FGF13: variants seen among roughly 807,000 people sequenced by gnomAD.
FGF13 encodes the protein fibroblast growth factor 13, also known as fibroblast growth factor homologous factor 2.
Under a neutral mutation model 19.5 loss-of-function variants are expected in FGF13, and 2 were observed. The observed-to-expected ratio is 0.10, with a 90% CI of 0.04 to 0.32. The LOEUF is 0.32. FGF13 is among the 10% of genes least tolerant of loss of function. FGF13 has a pLI of 1.00. For missense variants in FGF13, 113 were observed against 192.7 expected, an observed-to-expected ratio of 0.59 and a Z score of 2.45; for synonymous variants, 72 against 76.9, an observed-to-expected ratio of 0.94 and a Z score of 0.33.
intron 3 of FGF13, among the ~76,000 whole-genome samples, chrX:138,787,984 T>A (rs991411816): frequency 8.9e-6 from 1 of 111,843 alleles, no homozygotes; most frequent in Non-Finnish European, 1.9e-5. Context: ...AAAATTCTTG[T>A]CCTTTCTAAT....
chrX:138,961,539 C>T (rs1230625428), intron 1 of FGF13, among the ~76,000 whole-genome samples: 1 of 111,301 alleles, frequency 9.0e-6, no homozygotes, highest in Non-Finnish European at 1.9e-5. Context: ...CAGACAGGGA[C>T]GTTAAAGTCT....
chrX:139,133,728 G>A (rs1212145957), intron 1 of FGF13, among the ~76,000 whole-genome samples: 1 of 110,838 alleles, frequency 9.0e-6, no homozygotes, highest in Non-Finnish European at 1.9e-5. Flanking sequence ...ACACACATGT[G>A]GACAACATAT....
chrX:139,033,027 C>CAAAA lies in FGF13; in HGVS notation c.-112-168381_-112-168378dup, dbSNP rs758766077. 8.1e-3 allele frequency among the ~76,000 whole-genome samples: 220 copies of CAAAA among 27,271 alleles called. 39 individuals carry two copies. The highest frequency in any genetic ancestry group is 0.055 in the East Asian group (35 of 631). The allele number at this position is 27,271 out of a possible 115,157, so 23.7% of individuals were successfully genotyped here. A position where few individuals can be genotyped will look rare whatever the true frequency, so the allele number is the denominator to read the frequency against. On this transcript the variant is annotated intron_variant, in intron 1 of 2. Transcript: ENST00000421460. ...ACCAAAGTCAGAATATCTGATTATC[C>CAAAA]AAAAAAAAAAAAAAAAAAAAAAAAA...
intron 3 of FGF13, among the ~76,000 whole-genome samples, chrX:138,779,752 C>A (rs1318212800): frequency 9.3e-6 from 1 of 107,352 alleles, no homozygotes; most frequent in African/African-American, 3.4e-5. Context: ...AGGATATTAT[C>A]CAGGAGAACT....
intron 4 of FGF13, among the ~76,000 whole-genome samples, chrX:138,634,958 C>T (rs976282154): frequency 1.8e-5 from 2 of 111,981 alleles, no homozygotes; most frequent in South Asian, 3.7e-4. Context: ...TTTATAGCAG[C>T]GCAATTCACA....
intron 1 of FGF13, among the ~76,000 whole-genome samples, chrX:139,083,732 G>A (rs1276577793): frequency 2.7e-5 from 3 of 111,095 alleles, no homozygotes; most frequent in Non-Finnish European, 5.7e-5. Context: ...TTAGCTGGGC[G>A]TGGTGGCATG....
intron 1 of FGF13, among the ~76,000 whole-genome samples, chrX:138,949,976 C>T (rs1175110911): frequency 9.0e-6 from 1 of 111,717 alleles, no homozygotes; most frequent in African/African-American, 3.3e-5. Context: ...GCAGTGGTAG[C>T]ATTAGCAGAA....
At chrX:139,021,114 A>G (rs1328476428) in intron 1 of FGF13, among the ~76,000 whole-genome samples, 1 of 111,226 alleles carries the variant, frequency 9.0e-6, no homozygotes, top group East Asian at 2.8e-4. Context: ...TTCTCCACTA[A>G]GGCCAGCAAC....
At chrX:138,865,450 C>CCTCTCTCTCTCT (rs370662542) in intron 1 of FGF13, among the ~76,000 whole-genome samples, 1 of 89,252 alleles carries the variant, frequency 1.1e-5, no homozygotes, top group Non-Finnish European at 2.1e-5. Context: ...CTCTCTCTCT[C>CCTCTCTCTCTCT]CTCTCTCTCT....
At chrX:138,963,617 C>A (rs1246582466) in intron 1 of FGF13, among the ~76,000 whole-genome samples, 1 of 112,233 alleles carries the variant, frequency 8.9e-6, no homozygotes, top group Non-Finnish European at 1.9e-5. Flanking sequence ...CAAACACAAT[C>A]TTTTTCGGTT....
intron 1 of FGF13, among the ~76,000 whole-genome samples, chrX:139,168,226 A>C (rs1255192835): frequency 8.9e-6 from 1 of 112,083 alleles, no homozygotes; most frequent in Non-Finnish European, 1.9e-5. Context: ...ATCAAGGTTT[A>C]ATAAGGTGCA....
chrX:139,063,563 C>A (rs777188383), intron 1 of FGF13, among the ~76,000 whole-genome samples: 1 of 111,106 alleles, frequency 9.0e-6, no homozygotes, highest in Admixed American at 9.6e-5. Flanking sequence ...GGATCTATTT[C>A]CAGTTTGTCA....
chrX:139,194,323 T>G (rs1485526414), intron 1 of FGF13, among the ~76,000 whole-genome samples: 2 of 112,225 alleles, frequency 1.8e-5, no homozygotes, highest in Non-Finnish European at 3.8e-5. Flanking sequence ...AACTTGGTAG[T>G]GGAACCTTGG....
chrX:138,891,558 C>T (rs1411429771), intron 1 of FGF13, among the ~76,000 whole-genome samples: 1 of 111,596 alleles, frequency 9.0e-6, no homozygotes, highest in Non-Finnish European at 1.9e-5. Context: ...GAGGTTAGGA[C>T]CTCAATGCAT....
intron 1 of FGF13, among the ~76,000 whole-genome samples, chrX:138,919,951 C>A (rs764816975): frequency 9.0e-6 from 1 of 110,750 alleles, no homozygotes; most frequent in Non-Finnish European, 1.9e-5. Context: ...CTGGAGGAGG[C>A]TGGGGAATGT....
chrX:138,826,922 G>A (rs2091038369), intron 3 of FGF13, among the ~76,000 whole-genome samples: 1 of 112,145 alleles, frequency 8.9e-6, no homozygotes, highest in Non-Finnish European at 1.9e-5. Context: ...CTGGTACACA[G>A]GTATATTAAA....
chrX:138,783,157 A>C (rs1378486292), intron 3 of FGF13, among the ~76,000 whole-genome samples: 2 of 90,761 alleles, frequency 2.2e-5, no homozygotes, highest in African/African-American at 8.7e-5. Flanking sequence ...TTATACAAAA[A>C]TCAATTCAAG....
intron 1 of FGF13, among the ~76,000 whole-genome samples, chrX:138,886,552 G>T (rs1181309883): frequency 8.9e-6 from 1 of 111,907 alleles, no homozygotes; most frequent in African/African-American, 3.2e-5. Flanking sequence ...GCACAGCAAT[G>T]GCTCCAAAAC....
intron 3 of FGF13, among the ~76,000 whole-genome samples, chrX:138,638,320 T>G (rs975231520): frequency 2.9e-4 from 33 of 112,141 alleles, no homozygotes; most frequent in African/African-American, 9.7e-4. Context: ...CATGTGTGCC[T>G]TTGCGCTTTA....
Sources: gnomAD v4.1 joint callset for allele counts (sites outside exome capture counted in the v4.1 genomes callset) on GRCh38, gnomAD v4.1.1 for gene constraint, MANE v1.5 for transcripts, NCBI Gene and HGNC (gene_info 2026-07-23, HGNC 2026-07-21) for gene names.